DPYD: variants seen among roughly 807,000 people sequenced by gnomAD.
DPYD encodes dihydropyrimidine dehydrogenase [NADP(+)].
In DPYD, 109 loss-of-function variants were observed where a neutral mutation model predicts 116.2. That is an observed-to-expected ratio of 0.94 (90% CI 0.80 to 1.10). DPYD has a LOEUF of 1.10. Ranked by LOEUF, DPYD falls within the 50% of genes least tolerant of loss-of-function variation. The pLI is 0.00. For synonymous variants in DPYD, 440 were observed against 432.0 expected (o/e 1.02, Z -0.23); for missense variants, 1,302 against 1,254.5 (o/e 1.04, Z -0.57).
intron 18 of DPYD, among the ~76,000 whole-genome samples, chr1:97,245,606 G>C (rs1026781396): frequency 1.4e-4 from 21 of 152,120 alleles, no homozygotes; most frequent in African/African-American, 4.8e-4. Flanking sequence ...GATTATTTGA[G>C]TAGGAGAAGG....
intron 5 of DPYD, among the ~76,000 whole-genome samples, chr1:97,705,074 T>C (rs983529904): frequency 6.6e-6 from 1 of 152,012 alleles, no homozygotes; most frequent in Non-Finnish European, 1.5e-5. Context: ...AAACCTGTGG[T>C]CAGGTTCACA....
intron 20 of DPYD, among the ~76,000 whole-genome samples, chr1:97,192,000 G>GA (rs1400860654): frequency 6.6e-6 from 1 of 151,970 alleles, no homozygotes; most frequent in Admixed American, 6.6e-5. Flanking sequence ...GCCACTCATG[G>GA]AGTCATTCAT....
At chr1:97,576,102 T>A (rs978679197) in intron 10 of DPYD, among the ~76,000 whole-genome samples, 3 of 152,134 alleles carry the variant, frequency 2.0e-5, no homozygotes, top group African/African-American at 7.2e-5. Flanking sequence ...CTTGAATAAT[T>A]CAAATTACAA....
chr1:97,631,674 C>G (rs1359941478), intron 8 of DPYD, among the ~76,000 whole-genome samples: 1 of 151,952 alleles, frequency 6.6e-6, no homozygotes, highest in Non-Finnish European at 1.5e-5. Context: ...AAAAGACACA[C>G]ATACATACCA....
intron 20 of DPYD, among the ~76,000 whole-genome samples, chr1:97,128,510 C>T (rs1653024287): frequency 6.6e-6 from 1 of 152,126 alleles, no homozygotes; most frequent in Non-Finnish European, 1.5e-5. Flanking sequence ...TTTAGTATAC[C>T]CTTATAATAC....
chr1:97,703,071 T>C (rs752123620), intron 5 of DPYD, among the ~76,000 whole-genome samples: 4 of 152,030 alleles, frequency 2.6e-5, no homozygotes, highest in Non-Finnish European at 5.9e-5. Context: ...TACATACTCA[T>C]TACATTGCTT....
intron 2 of DPYD, chr1:97,856,805 T>C (rs1009207730): frequency 6.6e-6 from 1 of 152,238 alleles, no homozygotes; most frequent in African/African-American, 2.4e-5. Flanking sequence ...CCTCCTGACA[T>C]AGGAGGTCCT....
At chr1:97,844,077 G>T (rs910397956) in intron 2 of DPYD, among the ~76,000 whole-genome samples, 1 of 151,924 alleles carries the variant, frequency 6.6e-6, no homozygotes, top group Non-Finnish European at 1.5e-5. Flanking sequence ...CTTAACAAAG[G>T]GAAAGGAACT....
chr1:97,392,987 A>G (rs1418265280), intron 14 of DPYD, among the ~76,000 whole-genome samples: 1 of 152,012 alleles, frequency 6.6e-6, no homozygotes, highest in Non-Finnish European at 1.5e-5. Flanking sequence ...TATCCAGACC[A>G]CTAAAATGTT....
At chr1:97,414,732 G>A (rs989152633) in intron 14 of DPYD, among the ~76,000 whole-genome samples, 1 of 152,310 alleles carries the variant, frequency 6.6e-6, no homozygotes. Flanking sequence ...TCTTAGTTAA[G>A]TCTTTCTAGG....
intron 19 of DPYD, among the ~76,000 whole-genome samples, chr1:97,224,978 G>A (rs950054768): frequency 2.0e-5 from 3 of 151,000 alleles, no homozygotes; most frequent in Non-Finnish European, 4.4e-5. Flanking sequence ...TGGGAGTACA[G>A]ATCTATCTAA....
intron 14 of DPYD, among the ~76,000 whole-genome samples, chr1:97,448,990 T>G (rs961942290): frequency 2.0e-5 from 3 of 152,110 alleles, no homozygotes; most frequent in African/African-American, 7.2e-5. Context: ...TTTATTTCTA[T>G]GTGCATGTAT....
At chr1:97,520,557 T>C (rs758680086) in intron 12 of DPYD, among the ~76,000 whole-genome samples, 1 of 152,130 alleles carries the variant, frequency 6.6e-6, no homozygotes, top group Admixed American at 6.6e-5. Context: ...TAGGATGCTA[T>C]GGTGGTTTGC....
At chr1:97,489,521 T>A (rs1678849679) in intron 13 of DPYD, among the ~76,000 whole-genome samples, 1 of 152,164 alleles carries the variant, frequency 6.6e-6, no homozygotes, top group Non-Finnish European at 1.5e-5. Context: ...CATCAATATT[T>A]GTGGTAGACA....
At chr1:97,117,938 A>G (rs1652108445) in intron 20 of DPYD, among the ~76,000 whole-genome samples, 1 of 152,136 alleles carries the variant, frequency 6.6e-6, no homozygotes, top group Non-Finnish European at 1.5e-5. Flanking sequence ...TTGACAAGAA[A>G]TTACTCCTCT....
At chr1:97,758,138 T>C (rs557860689) in intron 3 of DPYD, among the ~76,000 whole-genome samples, 6 of 152,162 alleles carry the variant, frequency 3.9e-5, no homozygotes, top group South Asian at 2.1e-4. Flanking sequence ...TCCCTCTGCA[T>C]TGAAAAAACA....
At chr1:97,525,465 G>A (rs2786771) in intron 12 of DPYD, among the ~76,000 whole-genome samples, 28,026 of 151,794 alleles carry the variant, frequency 0.18, 2,743 homozygotes, top group East Asian at 0.25. Flanking sequence ...GCTATCTCCC[G>A]CTTGATTTAA....
intron 14 of DPYD, among the ~76,000 whole-genome samples, chr1:97,448,364 G>A (rs182812399): frequency 5.3e-5 from 8 of 152,234 alleles, no homozygotes; most frequent in African/African-American, 9.6e-5. Flanking sequence ...GTATTTAATC[G>A]CTGTGTGCCT....
intron 4 of DPYD, among the ~76,000 whole-genome samples, chr1:97,728,557 G>T (rs942249629): frequency 6.6e-6 from 1 of 151,922 alleles, no homozygotes; most frequent in Non-Finnish European, 1.5e-5. Flanking sequence ...TATCAATACA[G>T]CTGGTGGATT....
Sources: gnomAD v4.1 joint callset for allele counts (sites outside exome capture counted in the v4.1 genomes callset) on GRCh38, gnomAD v4.1.1 for gene constraint, MANE v1.5 for transcripts, NCBI Gene and HGNC (gene_info 2026-07-23, HGNC 2026-07-21) for gene names.